The following LRRC37A2 variants were observed in gnomAD, a reference collection of about 807,000 sequenced individuals.
LRRC37A2 encodes leucine-rich repeat-containing protein 37A2.
Under a neutral mutation model 68.8 loss-of-function variants are expected in LRRC37A2, and 9 were observed. The observed-to-expected ratio is 0.13, with a 90% CI of 0.08 to 0.23. LRRC37A2 has a LOEUF of 0.23. Ranked by LOEUF, LRRC37A2 falls within the 10% of genes least tolerant of loss-of-function variation. LRRC37A2 has a pLI of 1.00. For synonymous variants in LRRC37A2, 63 were observed against 367.6 expected, an observed-to-expected ratio of 0.17 and a Z score of 9.48; for missense variants, 168 against 950.4, an observed-to-expected ratio of 0.18 and a Z score of 10.82.
At chr17:46,775,275 G>A in the LRRC37A2 span, among the ~76,000 whole-genome samples, 11 of 152,228 alleles carry the variant, frequency 7.2e-5, no homozygotes, top group African/African-American at 2.4e-4. Context: ...GCTTGCCTAC[G>A]GCTTTTTGGT....
the LRRC37A2 span, among the ~76,000 whole-genome samples, chr17:46,787,433 C>T: frequency 6.6e-6 from 1 of 152,302 alleles, no homozygotes; most frequent in East Asian, 1.9e-4. Context: ...TTTGACATCA[C>T]CTAGTTCAGC....
the LRRC37A2 span, among the ~76,000 whole-genome samples, chr17:46,470,480 TATGAAGGA>T: frequency 2.1e-4 from 15 of 72,758 alleles, no homozygotes; most frequent in Admixed American, 1.5e-3. Context: ...TAGGAATCTT[TATGAAGGA>T]ATGAAGGAAT....
the LRRC37A2 span, among the ~76,000 whole-genome samples, chr17:46,716,084 A>C: frequency 6.6e-6 from 1 of 152,240 alleles, no homozygotes; most frequent in African/African-American, 2.4e-5. Context: ...GAAATATTAC[A>C]AAATATTTCC....
chr17:46,822,399 T>C, the LRRC37A2 span, among the ~76,000 whole-genome samples: 1 of 152,216 alleles, frequency 6.6e-6, no homozygotes, highest in Non-Finnish European at 1.5e-5. Context: ...GCCCCTGACC[T>C]GCACCGAGTA....
chr17:46,897,917 G>C, the LRRC37A2 span, among the ~76,000 whole-genome samples: 2 of 152,284 alleles, frequency 1.3e-5, no homozygotes, highest in South Asian at 4.1e-4. Flanking sequence ...GTGTCATGTG[G>C]GTGGGTCCTG....
chr17:47,007,706 T>C, the LRRC37A2 span: 1 of 152,174 alleles, frequency 6.6e-6, no homozygotes, highest in South Asian at 2.1e-4. Context: ...GAACAATTAA[T>C]GTATTTTGTA....
At chr17:46,759,654 T>C in the LRRC37A2 span, among the ~76,000 whole-genome samples, 1 of 152,226 alleles carries the variant, frequency 6.6e-6, no homozygotes, top group South Asian at 2.1e-4. Flanking sequence ...CATGTCCCTA[T>C]GCCCAGGGCC....
At chr17:46,841,428 GTT>G in the LRRC37A2 span, among the ~76,000 whole-genome samples, 4 of 152,230 alleles carry the variant, frequency 2.6e-5, no homozygotes, top group Admixed American at 6.5e-5. Flanking sequence ...GAGAGTGAGA[GTT>G]CAGCCCTGTC....
chr17:46,920,439 T>A, the LRRC37A2 span, among the ~76,000 whole-genome samples: 1 of 152,074 alleles, frequency 6.6e-6, no homozygotes, highest in Admixed American at 6.6e-5. Flanking sequence ...GTGAAAAAAA[T>A]AATTTTAGGA....
the LRRC37A2 span, among the ~76,000 whole-genome samples, chr17:46,752,762 A>G: frequency 6.6e-6 from 1 of 151,350 alleles, no homozygotes; most frequent in Non-Finnish European, 1.5e-5. Context: ...GGCCCTCGGT[A>G]ACTTTTTTTC....
At chr17:46,909,271 T>C in the LRRC37A2 span, among the ~76,000 whole-genome samples, 3 of 152,182 alleles carry the variant, frequency 2.0e-5, no homozygotes, top group African/African-American at 7.2e-5. Context: ...GCTCAAGCAA[T>C]CCTCCTGCAT....
chr17:46,808,209 G>T, the LRRC37A2 span, among the ~76,000 whole-genome samples: 2 of 152,206 alleles, frequency 1.3e-5, no homozygotes, highest in Non-Finnish European at 1.5e-5. Flanking sequence ...CATCCCAGGG[G>T]CAACAAAATC....
At chr17:46,835,267 A>T in the LRRC37A2 span, among the ~76,000 whole-genome samples, 1 of 152,038 alleles carries the variant, frequency 6.6e-6, no homozygotes, top group Non-Finnish European at 1.5e-5. Context: ...GTTTGAGTGC[A>T]GTGGCACAAT....
the LRRC37A2 span, among the ~76,000 whole-genome samples, chr17:46,822,184 G>A: frequency 2.6e-5 from 4 of 152,368 alleles, no homozygotes; most frequent in East Asian, 7.7e-4. Flanking sequence ...ACCTGGAGAG[G>A]AGGGCGTTTA....
At chr17:46,741,232 T>TG in the LRRC37A2 span, among the ~76,000 whole-genome samples, 18 of 152,216 alleles carry the variant, frequency 1.2e-4, no homozygotes, top group African/African-American at 4.3e-4. Context: ...TGAGGGGGTT[T>TG]GGGGGAATGA....
the LRRC37A2 span, among the ~76,000 whole-genome samples, chr17:47,035,619 T>C: frequency 1.3e-5 from 2 of 152,250 alleles, no homozygotes; most frequent in Admixed American, 6.5e-5. Flanking sequence ...ATAATGCTGC[T>C]ATGGACATGC....
the LRRC37A2 span, among the ~76,000 whole-genome samples, chr17:46,829,327 C>T: frequency 6.6e-6 from 1 of 152,114 alleles, no homozygotes; most frequent in South Asian, 2.1e-4. Flanking sequence ...GTCACTATGC[C>T]TGGCTCATTT....
At chr17:46,495,575 AG>A in the LRRC37A2 span, among the ~76,000 whole-genome samples, 2 of 149,650 alleles carry the variant, frequency 1.3e-5, no homozygotes, top group Non-Finnish European at 2.9e-5. Context: ...AGTAGAGATG[AG>A]GTTTCACCAT....
chr17:46,963,517 C>G, the LRRC37A2 span, among the ~76,000 whole-genome samples: 3 of 147,928 alleles, frequency 2.0e-5, no homozygotes, highest in Non-Finnish European at 3.0e-5. Flanking sequence ...GCACTCCAGC[C>G]TGGGCGACAG....
Sources: allele counts gnomAD v4.1 joint callset (sites outside exome capture counted in the v4.1 genomes callset), GRCh38; gene constraint gnomAD v4.1.1; transcripts MANE v1.5; gene names NCBI Gene and HGNC (gene_info 2026-07-23, HGNC 2026-07-21).